The following RBM25 variants were observed in gnomAD, a reference collection of about 807,000 sequenced individuals.
RBM25 encodes RNA binding motif protein 25.
Under a neutral mutation model 120.7 loss-of-function variants are expected in RBM25, and 19 were observed. The observed-to-expected ratio is 0.16, with a 90% CI of 0.11 to 0.23. The LOEUF is 0.23. Among genes scored for constraint, RBM25 ranks in the 10% least tolerant of loss-of-function variants. RBM25 has a pLI of 1.00. For synonymous variants in RBM25, 390 were observed against 326.7 expected (o/e 1.19, Z -2.09); for missense variants, 605 against 1,041.5 (o/e 0.58, Z 5.77).
intron 12 of RBM25, among the ~76,000 whole-genome samples, chr14:73,106,855 T>G (rs1444048427): frequency 2.1e-5 from 3 of 145,924 alleles, no homozygotes; most frequent in Non-Finnish European, 3.0e-5. Context: ...TTTTTTTTTT[T>G]GTGGAGACGG....
In RBM25 at chr14:73,076,287, A is replaced by G. The variant is rs899432320; in HGVS notation, c.107-32A>G. 18 of 1,566,546 alleles carry G rather than the reference A, an allele frequency of 1.1e-5. No individual in the cohort carries two copies. The African/African-American group carries it at 1.5e-4, about 13-fold the overall frequency. Reference sequence around the variant, plus strand: ...CATGTTGTTGATAGAGAATGCAGTCATGTAAAATCAGTGTGGTTTTTCTTT... The same window carrying G: ...CATGTTGTTGATAGAGAATGCAGTCGTGTAAAATCAGTGTGGTTTTTCTTT... On this transcript the variant is annotated intron_variant, in intron 2 of 18. Coordinates refer to ENST00000261973, the MANE Select transcript of RBM25 (RefSeq NM_021239.3).
chr14:73,103,524 C>CT lies in RBM25; in HGVS notation c.1154+47dup, dbSNP rs368724805. 6.0e-4 allele frequency: 912 copies of CT among 1,527,992 alleles called. 6 individuals are homozygous for CT. Among genetic ancestry groups the CT allele is most frequent in the African/African-American group, 1.6e-3 (113 of 71,960 alleles). 94.7% of individuals were successfully genotyped at this position (1,527,992 alleles called of 1,614,324 possible). On this transcript the variant is annotated intron_variant, in intron 10 of 18. Coordinates refer to ENST00000261973, the MANE Select transcript of RBM25 (RefSeq NM_021239.3). ...CTGTTTCCTGATAGCTTTAAGAAAACTATCGGGTAGTCCTCCAGAGTACCA... is the reference window on the plus strand; with the variant it reads ...CTGTTTCCTGATAGCTTTAAGAAAACTTATCGGGTAGTCCTCCAGAGTACCA...
intron 1 of RBM25, among the ~76,000 whole-genome samples, chr14:73,068,989 C>T (rs562182377): frequency 2.0e-4 from 30 of 152,242 alleles, no homozygotes; most frequent in Non-Finnish European, 2.5e-4. Flanking sequence ...GTGCAAACTC[C>T]GCACCCTGGG....
rs1413593057 is a variant in RBM25, at chr14:73,103,934, TCTCTCTCTCTCTCTCACA to T, written c.1154+458_1154+475del. Among the ~76,000 whole-genome samples, 275 of 59,024 alleles carry T rather than the reference TCTCTCTCTCTCTCTCACA, an allele frequency of 4.7e-3. 1 individual carries two copies. The highest frequency in any genetic ancestry group is 0.014 in the African/African-American group (236 of 16,772). 38.7% of individuals were successfully genotyped at this position (59,024 alleles called of 152,430 possible). The stretch of plus-strand genomic sequence containing the variant: ...CTCTCTCTCTCTCTCTCTCTCTCTC[TCTCTCTCTCTCTCTCACA>T]CACACACACACACACACACACACAC... On this transcript the variant is annotated intron_variant, in intron 10 of 18. Coordinates refer to ENST00000261973, the MANE Select transcript of RBM25 (RefSeq NM_021239.3).
intron 1 of RBM25, among the ~76,000 whole-genome samples, chr14:73,062,287 ATTC>A (rs1229109090): frequency 1.3e-5 from 2 of 151,414 alleles, no homozygotes; most frequent in Non-Finnish European, 3.0e-5. Context: ...AGCATTTCCC[ATTC>A]TTCTTTGGGC....
At chr14:73,077,303 C>T in intron 3 of RBM25, 66 bp from the exon 4 acceptor site, 1 of 1,368,104 alleles carries the variant, frequency 7.3e-7, no homozygotes, top group South Asian at 1.3e-5. Context: ...ATGTTTTTAG[C>T]CTAATGTTAA....
At position 73,089,793 on chromosome 14, in the gene RBM25, A is replaced by C. The variant is rs1044299494; in HGVS notation, c.543+1632A>C. Among the ~76,000 whole-genome samples, 3 of 151,148 alleles carry C rather than the reference A, an allele frequency of 2.0e-5. No individual in the cohort carries two copies. In the East Asian group the frequency reaches 5.9e-4, roughly 30 times the overall value. The stretch of plus-strand genomic sequence containing the variant: ...GTGATTCTCCCTCCTCAGCCTCCCA[A>C]GTAGCTGGGATTACAGGTGTCCGCC... On this transcript the variant is annotated intron_variant, in intron 6 of 18. Coordinates refer to ENST00000261973, the MANE Select transcript of RBM25 (RefSeq NM_021239.3).
intron 6 of RBM25, among the ~76,000 whole-genome samples, chr14:73,090,913 C>A (rs552213651): frequency 5.9e-5 from 9 of 152,246 alleles, no homozygotes; most frequent in African/African-American, 1.9e-4. Flanking sequence ...TATTTTATTT[C>A]AAATCAGTAA....
At chr14:73,112,892 C>T (rs1339802290) in intron 17 of RBM25, among the ~76,000 whole-genome samples, 2 of 152,050 alleles carry the variant, frequency 1.3e-5, no homozygotes, top group East Asian at 3.9e-4. Context: ...CAGCTTTGAA[C>T]GCCCAGCCTA....
At chr14:73,076,401 A>G in intron 3 of RBM25, 33 bp downstream of exon 3, 2 of 1,567,658 alleles carry the variant, frequency 1.3e-6, no homozygotes, top group Non-Finnish European at 1.8e-6. Context: ...ATCATGAGTT[A>G]TGGTAGTGCT....
intron 13 of RBM25, among the ~76,000 whole-genome samples, chr14:73,108,772 T>G (rs1475687968): frequency 6.6e-6 from 1 of 152,208 alleles, no homozygotes; most frequent in African/African-American, 2.4e-5. Context: ...GTGCCAGGGA[T>G]TTGGCTTTGT....
At position 73,092,537 on chromosome 14, in the gene RBM25, A is replaced by G. The variant is rs1273829006; in HGVS notation, c.543+4376A>G. Among the ~76,000 whole-genome samples, 46 of 151,042 alleles carry G rather than the reference A, an allele frequency of 3.0e-4. 2 individuals carry two copies. The highest frequency in any genetic ancestry group is 3.0e-3 in the Admixed American group (46 of 15,142). ...ACATGAGTTTGTCTAGGGGAGCAAC[A>G]TATTTTTCATGATCCAGAATTTTTT... On this transcript the variant is annotated intron_variant, in intron 6 of 18. Coordinates refer to ENST00000261973, the MANE Select transcript of RBM25 (RefSeq NM_021239.3).
At chr14:73,071,854 T>A (rs1400647429) in intron 2 of RBM25, 107 bp downstream of exon 2, 3 of 842,726 alleles carry the variant, frequency 3.6e-6, no homozygotes, top group African/African-American at 3.5e-5. Flanking sequence ...AAGATGCCTC[T>A]CAGCGTTGTT....
chr14:73,063,480 T>C (rs1324917092), intron 1 of RBM25, among the ~76,000 whole-genome samples: 1 of 151,384 alleles, frequency 6.6e-6, no homozygotes, highest in Non-Finnish European at 1.5e-5. Flanking sequence ...AAAAGGTGCT[T>C]TGAACCTTCT....
At position 73,061,956 on chromosome 14, in the gene RBM25, G is replaced by T. The variant is rs8023136; in HGVS notation, c.-16+3251G>T. On this transcript the variant is annotated intron_variant, in intron 1 of 18. Transcript: ENST00000261973. ...ACAGGCGTAATCCCACTATTGATCA[G>T]TTTGGGAGTTTTGCCCTTCTCTGTT... Among the ~76,000 whole-genome samples the T allele has an allele frequency of 5.0e-3, 760 of 151,534 alleles. 15 individuals carry two copies. The highest frequency in any genetic ancestry group is 0.017 in the African/African-American group (695 of 41,470).
intron 18 of RBM25, among the ~76,000 whole-genome samples, chr14:73,117,180 ATTTC>A (rs1413620648): frequency 8.7e-6 from 1 of 114,566 alleles, no homozygotes; most frequent in African/African-American, 3.4e-5. Flanking sequence ...AGTGACAGAA[ATTTC>A]TTTCTTTTAA....
intron 14 of RBM25, among the ~76,000 whole-genome samples, chr14:73,110,403 G>A (rs1896285959): frequency 6.6e-6 from 1 of 151,542 alleles, no homozygotes. Context: ...CCAGGATTGA[G>A]CCACTGCCCA....
rs1027881951 is a variant in RBM25 at position 73,122,257 on chromosome 14, C to A, written c.*2452C>A. Reference sequence around the variant, plus strand: ...GTTGTTATATAAAGAGCATGAAAGTCTTTTTTTGTTGTTTTTTTGGGGTTT... The same window carrying A: ...GTTGTTATATAAAGAGCATGAAAGTATTTTTTTGTTGTTTTTTTGGGGTTT... On this transcript the variant is annotated 3_prime_UTR_variant, in exon 19 of 19. Transcript: ENST00000261973. 2 of 147,516 alleles carry A rather than the reference C, an allele frequency of 1.4e-5. No individual in the cohort carries two copies. The highest frequency in any genetic ancestry group is 5.0e-5 in the African/African-American group (2 of 39,962). 9.1% of individuals were successfully genotyped at this position (147,516 alleles called of 1,614,324 possible).
chr14:73,059,371 A>C (rs1397970308), intron 1 of RBM25: 1 of 152,160 alleles, frequency 6.6e-6, no homozygotes, highest in East Asian at 1.9e-4. Flanking sequence ...GTATATCGCC[A>C]TTCATTCTAG....
Sources: gnomAD v4.1 joint callset for allele counts (sites outside exome capture counted in the v4.1 genomes callset) on GRCh38, gnomAD v4.1.1 for gene constraint, MANE v1.5 for transcripts, NCBI Gene and HGNC (gene_info 2026-07-23, HGNC 2026-07-21) for gene names.